SMOC2: variants seen among roughly 807,000 people sequenced by gnomAD.
The protein encoded by SMOC2 is SPARC related modular calcium binding 2.
SMOC2 carries 39 observed loss-of-function variants against 61.4 expected under a neutral mutation model. The ratio of observed to expected loss-of-function variants is 0.64; its 90% CI spans 0.49 to 0.83. The LOEUF (loss-of-function observed/expected upper bound fraction) is 0.83, where lower values mean the gene tolerates loss of function less well. Among genes scored for constraint, SMOC2 ranks in the 40% least tolerant of loss-of-function variants. The pLI, the probability that SMOC2 is intolerant of heterozygous loss-of-function variation, is 0.00. For missense variants in SMOC2, 556 were observed against 592.9 expected (o/e 0.94, Z 0.65); for synonymous variants, 247 against 239.9 (o/e 1.03, Z -0.27).
intron 12 of SMOC2, among the ~76,000 whole-genome samples, chr6:168,665,764 A>T (rs1228796688): frequency 3.3e-5 from 5 of 152,244 alleles, no homozygotes; most frequent in Admixed American, 3.3e-4. Context: ...ACCTCTTCAG[A>T]TCTTTATCAA....
Position 168,598,810 on chromosome 6 carries a change from C to G in SMOC2, c.638-8C>G, listed in dbSNP as rs769793824. ...CCTGCTCACCTTTTGCCTTCTTCTT[C>G]CCCGCAGTGTCATCCTGTGACCAAG... On this transcript the variant is annotated splice_polypyrimidine_tract_variant and splice_region_variant and intron_variant, in intron 7 of 12. Transcript: ENST00000356284. 6.2e-7 allele frequency: 1 copy of G among 1,613,470 alleles called. No individual in the cohort carries two copies. The highest frequency in any genetic ancestry group is 1.1e-5 in the South Asian group (1 of 91,082).
Position 168,653,160 on chromosome 6 carries a change from T to A in SMOC2, c.1217T>A (p.Val406Glu), listed in dbSNP as rs1180151253. ...GTGAATAATGACAAATCCATCTCCGTACAAGAACTGATGGGCTGCCTGGGC... is the reference window on the plus strand; with the variant it reads ...GTGAATAATGACAAATCCATCTCCGAACAAGAACTGATGGGCTGCCTGGGC... ...CDVNNDKSIS[V>E]QELMGCLGVA... The change falls in exon 11 of 13, where the codon GTA becomes GAA. Residue 406 changes from valine (V) to glutamate (E), a missense_variant. By Grantham distance (121) the Val-to-Glu change is moderately radical (BLOSUM62 -2). Transcript: ENST00000356284. 1 of 1,614,130 alleles carries A rather than the reference T, an allele frequency of 6.2e-7. No individual in the cohort carries two copies. Among genetic ancestry groups the A allele is most frequent in the East Asian group, 2.2e-5 (1 of 44,878 alleles).
rs1052399069 is a variant in SMOC2 at position 168,540,877 on chromosome 6, G to C, written c.464-2748G>C. 3.3e-5 allele frequency among the ~76,000 whole-genome samples: 5 copies of C among 152,274 alleles called. No individual in the cohort carries two copies. In the East Asian group the frequency reaches 9.7e-4, roughly 29 times the overall value. On this transcript the variant is annotated intron_variant, in intron 4 of 12. Coordinates refer to ENST00000356284, the MANE Select transcript of SMOC2 (RefSeq NM_001166412.2). ...GCTCTGAAGGAGGACTCCCTGCAGG[G>C]AGCTGCCCCTCACCCCTCTCACGTC...
At chr6:168,498,951 G>A (rs1168212832) in intron 1 of SMOC2, among the ~76,000 whole-genome samples, 3 of 129,506 alleles carry the variant, frequency 2.3e-5, no homozygotes, top group Admixed American at 7.7e-5. Context: ...CCAGCCCTAC[G>A]AGCCACAGTC....
At chr6:168,652,426 G>C (rs900999744) in intron 10 of SMOC2, among the ~76,000 whole-genome samples, 1 of 152,182 alleles carries the variant, frequency 6.6e-6, no homozygotes, top group Non-Finnish European at 1.5e-5. Context: ...CTGCCATTTG[G>C]TGCACTTTTA....
chr6:168,483,592 G>A (rs1019149407), intron 1 of SMOC2, among the ~76,000 whole-genome samples: 2 of 152,006 alleles, frequency 1.3e-5, no homozygotes, highest in Admixed American at 1.3e-4. Context: ...TGTATAAATA[G>A]CAAAATTCAT....
At chr6:168,637,469 C>T (rs1786768464) in intron 9 of SMOC2, among the ~76,000 whole-genome samples, 1 of 152,232 alleles carries the variant, frequency 6.6e-6, no homozygotes, top group South Asian at 2.1e-4. Flanking sequence ...TGCTTTTCTA[C>T]TCCTTGCGTC....
At chr6:168,483,179 G>A (rs1479829540) in intron 1 of SMOC2, among the ~76,000 whole-genome samples, 1 of 151,542 alleles carries the variant, frequency 6.6e-6, no homozygotes, top group Non-Finnish European at 1.5e-5. Context: ...TAACAATGCT[G>A]TACACACACA....
At chr6:168,622,831 G>A (rs1196176485) in intron 9 of SMOC2, among the ~76,000 whole-genome samples, 1 of 152,124 alleles carries the variant, frequency 6.6e-6, no homozygotes, top group Non-Finnish European at 1.5e-5. Context: ...ATCCATAGAA[G>A]GGACAAGGTA....
chr6:168,466,410 C>G (rs372008413), intron 1 of SMOC2, among the ~76,000 whole-genome samples: 1 of 152,148 alleles, frequency 6.6e-6, no homozygotes, highest in African/African-American at 2.4e-5. Flanking sequence ...GTCCTGCTCT[C>G]GTGCCCTGCT....
At chr6:168,449,061 G>A (rs1377174365) in intron 1 of SMOC2, among the ~76,000 whole-genome samples, 1 of 152,050 alleles carries the variant, frequency 6.6e-6, no homozygotes, top group Admixed American at 6.5e-5. Context: ...TCGCTCACAT[G>A]GAACCACATT....
chr6:168,514,808 A>T (rs1783092829), intron 2 of SMOC2, among the ~76,000 whole-genome samples: 1 of 152,194 alleles, frequency 6.6e-6, no homozygotes, highest in Non-Finnish European at 1.5e-5. Flanking sequence ...AAAGGCCGCG[A>T]AGAAGCTTCC....
intron 1 of SMOC2, among the ~76,000 whole-genome samples, chr6:168,500,160 C>G (rs1415539601): frequency 6.6e-6 from 1 of 151,816 alleles, no homozygotes; most frequent in Non-Finnish European, 1.5e-5. Flanking sequence ...ATGGTGGCCC[C>G]TGTGGTCCCA....
At chr6:168,488,405 G>A (rs1367440924) in intron 1 of SMOC2, among the ~76,000 whole-genome samples, 1 of 152,216 alleles carries the variant, frequency 6.6e-6, no homozygotes, top group African/African-American at 2.4e-5. Flanking sequence ...AGACTGGGTG[G>A]CTCAGACAGA....
intron 4 of SMOC2, among the ~76,000 whole-genome samples, chr6:168,541,173 C>T (rs1044019553): frequency 1.3e-5 from 2 of 152,182 alleles, no homozygotes; most frequent in Non-Finnish European, 2.9e-5. Flanking sequence ...ATGACAAAAC[C>T]CACCCCTTTA....
At chr6:168,450,967 A>G (rs901993323) in intron 1 of SMOC2, among the ~76,000 whole-genome samples, 5 of 152,240 alleles carry the variant, frequency 3.3e-5, no homozygotes, top group Non-Finnish European at 7.4e-5. Flanking sequence ...TCTTGATTCC[A>G]TTATCCTAGG....
Position 168,547,140 on chromosome 6 carries a change from T to TG in SMOC2, c.535dup (p.Glu179GlyfsTer8). The stretch of plus-strand genomic sequence containing the variant: ...TCAGATGATGCCGCAGCTCCAGCGT[T>TG]GGAGACTCAGCCTCAAGGAGATGAA... On this transcript the variant is annotated frameshift_variant, in exon 6 of 13. Coordinates refer to ENST00000356284, the MANE Select transcript of SMOC2 (RefSeq NM_001166412.2). LOFTEE classifies it high-confidence loss of function. 6.2e-7 allele frequency: 1 copy of TG among 1,614,080 alleles called. No individual in the cohort carries two copies. The highest frequency in any genetic ancestry group is 8.5e-7 in the Non-Finnish European group (1 of 1,180,020).
intron 9 of SMOC2, among the ~76,000 whole-genome samples, chr6:168,619,683 G>A (rs1478010637): frequency 3.9e-5 from 6 of 152,150 alleles, no homozygotes; most frequent in East Asian, 1.9e-4. Context: ...CTTACTTCCC[G>A]TTTGCCGCTG....
At chr6:168,600,578 C>T (rs553592303) in intron 8 of SMOC2, among the ~76,000 whole-genome samples, 28 of 152,304 alleles carry the variant, frequency 1.8e-4, no homozygotes, top group Non-Finnish European at 2.5e-4. Context: ...CCACTCACGC[C>T]GGACGGAATC....
Sources: gnomAD v4.1 joint callset for allele counts (sites outside exome capture counted in the v4.1 genomes callset) on GRCh38, gnomAD v4.1.1 for gene constraint, MANE v1.5 for transcripts, NCBI Gene and HGNC (gene_info 2026-07-23, HGNC 2026-07-21) for gene names.